F13A1: variants seen among roughly 807,000 people sequenced by gnomAD.
F13A1 encodes FSF, A subunit.
F13A1 carries 47 observed loss-of-function variants against 80.1 expected under a neutral mutation model. The observed-to-expected ratio is 0.59, with a 90% CI of 0.46 to 0.75. F13A1 has a LOEUF of 0.75. Ranked by LOEUF, F13A1 falls within the 30% of genes least tolerant of loss-of-function variation. F13A1 has a pLI of 0.00. For synonymous variants in F13A1, 349 were observed against 344.9 expected (o/e 1.01, Z -0.13); for missense variants, 817 against 930.4 (o/e 0.88, Z 1.59).
rs148706391 is a variant in F13A1 at position 6,221,963 on chromosome 6, C to A, written c.1112+70G>T. 3.4e-5 allele frequency: 53 copies of A among 1,556,360 alleles called. No individual in the cohort carries two copies. In the Admixed American group the frequency reaches 8.9e-4, roughly 26 times the overall value. Reference sequence around the variant, plus strand: ...ATAGAACAGAAACATCAGATTGAGTCTATCTTGTGGTAAATGTGTAACATT... The same window carrying A: ...ATAGAACAGAAACATCAGATTGAGTATATCTTGTGGTAAATGTGTAACATT... On this transcript the variant is annotated intron_variant, in intron 8 of 14. Coordinates refer to ENST00000264870, the MANE Select transcript of F13A1 (RefSeq NM_000129.4).
At chr6:6,293,690 A>C (rs1758265580) in intron 3 of F13A1, among the ~76,000 whole-genome samples, 1 of 150,708 alleles carries the variant, frequency 6.6e-6, no homozygotes, top group African/African-American at 2.4e-5. Flanking sequence ...AGCCCTATTT[A>C]TTTAAATATT....
intron 6 of F13A1, among the ~76,000 whole-genome samples, chr6:6,233,468 CA>C (rs1757377383): frequency 6.6e-6 from 1 of 151,882 alleles, no homozygotes; most frequent in Admixed American, 6.6e-5. Flanking sequence ...AACTTATCAA[CA>C]AAAAAATGTC....
intron 7 of F13A1, among the ~76,000 whole-genome samples, chr6:6,223,928 C>A (rs1757236423): frequency 6.6e-6 from 1 of 152,096 alleles, no homozygotes; most frequent in Non-Finnish European, 1.5e-5. Context: ...AAAATCATTA[C>A]CAGTGATGAA....
At chr6:6,299,395 G>C (rs1758385049) in intron 3 of F13A1, among the ~76,000 whole-genome samples, 1 of 131,862 alleles carries the variant, frequency 7.6e-6, no homozygotes, top group African/African-American at 3.7e-5. Context: ...CCAATCAGAC[G>C]TAGATTTGGT....
chr6:6,307,232 C>T (rs1486903015), intron 2 of F13A1, among the ~76,000 whole-genome samples: 2 of 152,100 alleles, frequency 1.3e-5, no homozygotes, highest in African/African-American at 2.4e-5. Flanking sequence ...TGGTGCTCCC[C>T]GGGTTACCCT....
chr6:6,165,821 C>T (rs979294847), intron 13 of F13A1, among the ~76,000 whole-genome samples: 2 of 152,252 alleles, frequency 1.3e-5, no homozygotes, highest in African/African-American at 2.4e-5. Context: ...CTCCCTTTGC[C>T]TGCCAACCCT....
chr6:6,319,922 G>C (rs972099711), intron 1 of F13A1, among the ~76,000 whole-genome samples: 1 of 152,208 alleles, frequency 6.6e-6, no homozygotes, highest in Non-Finnish European at 1.5e-5. Flanking sequence ...TAATGATAGG[G>C]AGAAGGCTGC....
chr6:6,165,484 G>T (rs1162961093), intron 13 of F13A1, among the ~76,000 whole-genome samples: 2 of 152,174 alleles, frequency 1.3e-5, no homozygotes, highest in African/African-American at 4.8e-5. Flanking sequence ...AGCTTGGGAA[G>T]CCTCTCTCCT....
At chr6:6,195,543 A>T (rs1022298674) in intron 10 of F13A1, among the ~76,000 whole-genome samples, 1 of 152,224 alleles carries the variant, frequency 6.6e-6, no homozygotes, top group Non-Finnish European at 1.5e-5. Context: ...GGGTGCAGAG[A>T]ACTAAGCTAA....
intron 8 of F13A1, among the ~76,000 whole-genome samples, chr6:6,202,878 CA>C (rs1761422314): frequency 6.6e-6 from 1 of 152,216 alleles, no homozygotes; most frequent in African/African-American, 2.4e-5. Flanking sequence ...GAACCTTCAC[CA>C]AAGGCAGTAC....
At chr6:6,171,068 C>T (rs893047593) in intron 12 of F13A1, among the ~76,000 whole-genome samples, 2 of 152,042 alleles carry the variant, frequency 1.3e-5, no homozygotes, top group African/African-American at 2.4e-5. Flanking sequence ...CATACAAGCT[C>T]ATTCTTTAAT....
At chr6:6,277,652 C>G (rs1758006686) in intron 3 of F13A1, among the ~76,000 whole-genome samples, 1 of 152,176 alleles carries the variant, frequency 6.6e-6, no homozygotes. Flanking sequence ...GCATCTTTCT[C>G]CTGGTAAGAG....
At chr6:6,191,146 C>A (rs1167306166) in intron 10 of F13A1, among the ~76,000 whole-genome samples, 1 of 152,222 alleles carries the variant, frequency 6.6e-6, no homozygotes, top group South Asian at 2.1e-4. Context: ...GTGAGATGAA[C>A]CCGGTACCTC....
chr6:6,242,826 C>T lies in F13A1; in HGVS notation c.798+5486G>A, dbSNP rs189979313. On this transcript the variant is annotated intron_variant, in intron 6 of 14. Coordinates refer to ENST00000264870, the MANE Select transcript of F13A1 (RefSeq NM_000129.4). ...TGGTTAATTACTGTGGGACCTCAGA[C>T]ATTCTTCTATCTTTTGATCCAATGT... Among the ~76,000 whole-genome samples, 778 of 152,294 alleles carry T rather than the reference C, an allele frequency of 5.1e-3. 3 individuals are homozygous for T. Among genetic ancestry groups the T allele is most frequent in the Non-Finnish European group, 8.2e-3 (559 of 68,020 alleles).
intron 6 of F13A1, among the ~76,000 whole-genome samples, chr6:6,234,365 T>G (rs187185511): frequency 6.6e-6 from 1 of 151,918 alleles, no homozygotes; most frequent in East Asian, 1.9e-4. Flanking sequence ...TTGTCGAACA[T>G]GAAGTACTTC....
At position 6,297,626 on chromosome 6, in the gene F13A1, ATTC is replaced by A. The variant is rs1366685498; in HGVS notation, c.319+7722_319+7724del. 3.5e-3 allele frequency among the ~76,000 whole-genome samples: 516 copies of A among 148,400 alleles called. 28 individuals carry two copies. Among genetic ancestry groups the A allele is most frequent in the African/African-American group, 0.013 (487 of 38,460 alleles). On this transcript the variant is annotated intron_variant, in intron 3 of 14. Transcript: ENST00000264870. Reference sequence around the variant, plus strand: ...TATCATTTTTTATTGTGTCTATTTGATTCTTCTCTCTTTTTTTCTTTATTAGTC... The same window carrying A: ...TATCATTTTTTATTGTGTCTATTTGATTCTCTCTTTTTTTCTTTATTAGTC...
chr6:6,251,729 A>C (rs886298912), intron 4 of F13A1, among the ~76,000 whole-genome samples: 1 of 152,230 alleles, frequency 6.6e-6, no homozygotes, highest in African/African-American at 2.4e-5. Context: ...GTAACGAAAT[A>C]ATTGATTATA....
chr6:6,282,751 T>C (rs565625008), intron 3 of F13A1, among the ~76,000 whole-genome samples: 18 of 152,252 alleles, frequency 1.2e-4, no homozygotes, highest in Admixed American at 5.2e-4. Flanking sequence ...ATTCCAGGGG[T>C]GGCTCACATC....
intron 10 of F13A1, among the ~76,000 whole-genome samples, chr6:6,194,866 G>T (rs962857853): frequency 6.6e-6 from 1 of 152,140 alleles, no homozygotes; most frequent in African/African-American, 2.4e-5. Flanking sequence ...TCTTAGCACT[G>T]CTATTTATTA....
Sources: allele counts gnomAD v4.1 joint callset (sites outside exome capture counted in the v4.1 genomes callset), GRCh38; gene constraint gnomAD v4.1.1; transcripts MANE v1.5; gene names NCBI Gene and HGNC (gene_info 2026-07-23, HGNC 2026-07-21).